Variants in DAB2IP observed in about 807,000 individuals in gnomAD.
DAB2IP encodes the protein DAB2 interacting protein, also known as disabled homolog 2-interacting protein.
A neutral mutation model predicts 107.2 loss-of-function variants in DAB2IP; 28 were observed. The observed-to-expected ratio is 0.26, with a 90% CI of 0.19 to 0.36. The LOEUF is 0.36. DAB2IP is among the 10% of genes least tolerant of loss of function. The probability of loss-of-function intolerance (pLI) is 1.00; values close to 1 mark genes in which losing one functional copy is unlikely to be tolerated. For missense variants in DAB2IP, 1,400 were observed against 1,644.7 expected, an observed-to-expected ratio of 0.85 and a Z score of 2.57; for synonymous variants, 755 against 706.4, an observed-to-expected ratio of 1.07 and a Z score of -1.09.
intron 1 of DAB2IP, among the ~76,000 whole-genome samples, chr9:121,671,703 T>C (rs1460554855): frequency 1.3e-5 from 2 of 152,256 alleles, no homozygotes; most frequent in Non-Finnish European, 2.9e-5. Flanking sequence ...CTCGACATCA[T>C]ATTTCTGAGT....
In DAB2IP at chr9:121,667,694, T is replaced by C. The variant is rs1473965109; in HGVS notation, c.125-10984T>C. 4.6e-5 allele frequency among the ~76,000 whole-genome samples: 7 copies of C among 151,978 alleles called. No homozygotes were observed. The East Asian group carries it at 9.8e-4, about 21-fold the overall frequency. ...TTTTTTTTTAATACAGATGGAGTTTTGCCATGTTGGCCAGGCTGGTCTTGA... is the reference window on the plus strand; with the variant it reads ...TTTTTTTTTAATACAGATGGAGTTTCGCCATGTTGGCCAGGCTGGTCTTGA... On this transcript the variant is annotated intron_variant, in intron 1 of 15. Coordinates refer to ENST00000408936, the Ensembl canonical transcript of DAB2IP.
intron 1 of DAB2IP, among the ~76,000 whole-genome samples, chr9:121,610,290 G>A (rs942469301): frequency 2.6e-5 from 4 of 152,136 alleles, no homozygotes; most frequent in Non-Finnish European, 5.9e-5. Context: ...CCCTGAGTAC[G>A]GTGCATGGCC....
intron 2 of DAB2IP, among the ~76,000 whole-genome samples, chr9:121,697,187 GA>G (rs1463252183): frequency 6.6e-6 from 1 of 152,156 alleles, no homozygotes; most frequent in African/African-American, 2.4e-5. Flanking sequence ...TCCTAGACGG[GA>G]GAAAACTTTT....
At position 121,651,691 on chromosome 9, in the gene DAB2IP, T is replaced by C. The variant is rs1832746121; in HGVS notation, c.-85T>C. 1 of 1,128,172 alleles carries C rather than the reference T, an allele frequency of 8.9e-7. No individual in the cohort carries two copies. The highest frequency in any genetic ancestry group is 4.4e-5 in the South Asian group (1 of 22,946). The allele number at this position is 1,128,172 out of a possible 1,614,324, so 69.9% of individuals were successfully genotyped here. A position where few individuals can be genotyped will look rare whatever the true frequency, so the allele number is the denominator to read the frequency against. On this transcript the variant is annotated 5_prime_UTR_variant, in exon 1 of 16. Transcript: ENST00000408936. The surrounding 1 kb of genome is among the most constrained non-coding windows in gnomAD (Gnocchi z 5.1). ...GCTCGGGCGAGCGCGGGAGAACGCGTGGGCGCCCGCCGGGCTGTCCGGAGC... is the reference window on the plus strand; with the variant it reads ...GCTCGGGCGAGCGCGGGAGAACGCGCGGGCGCCCGCCGGGCTGTCCGGAGC...
At chr9:121,758,749 G>A (rs557180044) in intron 4 of DAB2IP, 149 bp from the exon 5 acceptor site, 53 of 670,034 alleles carry the variant, frequency 7.9e-5, no homozygotes, top group East Asian at 3.5e-4. Flanking sequence ...AAGTAGAGGC[G>A]TCATATGAGC....
At chr9:121,695,030 C>T (rs902546460) in intron 2 of DAB2IP, among the ~76,000 whole-genome samples, 7 of 152,150 alleles carry the variant, frequency 4.6e-5, no homozygotes, top group African/African-American at 1.7e-4. Context: ...GAGCTTTAGA[C>T]ATCAGTCCTT....
chr9:121,646,492 C>G (rs1454695588), intron 1 of DAB2IP, among the ~76,000 whole-genome samples: 3 of 139,892 alleles, frequency 2.1e-5, no homozygotes, highest in African/African-American at 7.9e-5. Flanking sequence ...TCCCGCCACC[C>G]CCCCCACCCC....
chr9:121,678,777 T>G (rs1354568987), exon 2 of DAB2IP: 3 of 1,587,184 alleles, frequency 1.9e-6, no homozygotes. Context: ...CCGTTCCGGG[T>G]CACGGTAACT....
chr9:121,768,175 C>T (rs1834424232), intron 9 of DAB2IP, among the ~76,000 whole-genome samples: 1 of 152,188 alleles, frequency 6.6e-6, no homozygotes, highest in African/African-American at 2.4e-5. Flanking sequence ...CCGAAGGACA[C>T]TGTTAACAGG....
Position 121,601,299 on chromosome 9 carries a change from A to T in DAB2IP, c.40+34071A>T, listed in dbSNP as rs572885631. Among the ~76,000 whole-genome samples, 4 of 152,228 alleles carry T rather than the reference A, an allele frequency of 2.6e-5. No homozygotes were observed. In the South Asian group the frequency reaches 8.3e-4, roughly 32 times the overall value. ...ACCTTCAAGATCACCTGGCCCTCCT[A>T]TCCCCGCATTCTTCCTTCCCTGGTG... On this transcript the variant is annotated intron_variant, in intron 1 of 16. Transcript: ENST00000259371.
upstream of DAB2IP, among the ~76,000 whole-genome samples, chr9:121,650,583 G>A (rs1191920975): frequency 2.6e-5 from 4 of 152,222 alleles, no homozygotes; most frequent in African/African-American, 9.6e-5. Context: ...CACTTTCCAT[G>A]TGACTGAGGC....
At chr9:121,683,725 T>A (rs1260699813) in intron 2 of DAB2IP, among the ~76,000 whole-genome samples, 3 of 152,134 alleles carry the variant, frequency 2.0e-5, no homozygotes. Context: ...CTGCATAGGA[T>A]GCTGTGACAG....
exon 8 of DAB2IP, chr9:121,763,874 C>G: frequency 6.2e-7 from 1 of 1,614,044 alleles, no homozygotes; most frequent in East Asian, 2.2e-5. Context: ...TCATCAACTC[C>G]TACTGGTCAG....
intron 3 of DAB2IP, among the ~76,000 whole-genome samples, chr9:121,731,810 C>T (rs1376499929): frequency 5.3e-5 from 8 of 152,134 alleles, no homozygotes; most frequent in East Asian, 3.9e-4. Flanking sequence ...CACTACCCCA[C>T]GATATTATTG....
intron 1 of DAB2IP, among the ~76,000 whole-genome samples, chr9:121,607,149 A>G (rs1311255051): frequency 6.6e-6 from 1 of 152,134 alleles, no homozygotes; most frequent in Non-Finnish European, 1.5e-5. Context: ...TCTGTCCTGA[A>G]GTAGGAAGCC....
At chr9:121,641,158 GC>G (rs1244429079) in intron 1 of DAB2IP, among the ~76,000 whole-genome samples, 1 of 152,198 alleles carries the variant, frequency 6.6e-6, no homozygotes, top group East Asian at 1.9e-4. Flanking sequence ...TCCTGTTTGA[GC>G]AGGTGCAGAA....
intron 1 of DAB2IP, among the ~76,000 whole-genome samples, chr9:121,653,102 T>C (rs1312494755): frequency 6.8e-6 from 1 of 146,748 alleles, no homozygotes; most frequent in East Asian, 2.0e-4. Flanking sequence ...TTTCCTGAAG[T>C]CTTAGTAAGT....
intron 1 of DAB2IP, chr9:121,576,195 G>A (rs1589370630): frequency 6.6e-6 from 1 of 152,114 alleles, no homozygotes; most frequent in East Asian, 1.9e-4. Flanking sequence ...AAACTTCACA[G>A]GGCCCACCGC....
intron 1 of DAB2IP, among the ~76,000 whole-genome samples, chr9:121,659,268 G>A (rs1270785402): frequency 6.6e-6 from 1 of 152,144 alleles, no homozygotes; most frequent in East Asian, 1.9e-4. Flanking sequence ...CCAATAAATT[G>A]GTAATCTGGA....
Sources: gnomAD v4.1 joint callset for allele counts (sites outside exome capture counted in the v4.1 genomes callset) on GRCh38, gnomAD v4.1.1 for gene constraint, Gnocchi (gnomAD v3.1) non-coding constraint, MANE v1.5 for transcripts, NCBI Gene and HGNC (gene_info 2026-07-23, HGNC 2026-07-21) for gene names.